Variants in FAM20C observed in about 807,000 individuals in gnomAD.
FAM20C encodes FAM20C golgi associated secretory pathway kinase.
FAM20C carries 40 observed loss-of-function variants against 51.5 expected under a neutral mutation model. The ratio of observed to expected loss-of-function variants is 0.78; its 90% CI spans 0.60 to 1.01. FAM20C has a LOEUF of 1.01. FAM20C is among the 50% of genes least tolerant of loss of function. FAM20C has a pLI of 0.00. For synonymous variants in FAM20C, 406 were observed against 380.6 expected, an observed-to-expected ratio of 1.07 and a Z score of -0.78; for missense variants, 861 against 844.7, an observed-to-expected ratio of 1.02 and a Z score of -0.24.
chr7:199,813 G>A (rs954328592), intron 2 of FAM20C, among the ~76,000 whole-genome samples: 4 of 152,120 alleles, frequency 2.6e-5, no homozygotes, highest in South Asian at 2.1e-4. Context: ...TGGGGCTGGC[G>A]ATAATTAAAT....
intron 7 of FAM20C, 50 bp downstream of exon 7, chr7:256,813 G>T: frequency 2.0e-6 from 3 of 1,486,196 alleles, no homozygotes; most frequent in Non-Finnish European, 1.8e-6. Flanking sequence ...CTTGCGTGGA[G>T]CGGATGCACG....
chr7:197,968 G>C (rs1785959690), intron 2 of FAM20C, among the ~76,000 whole-genome samples: 1 of 152,200 alleles, frequency 6.6e-6, no homozygotes, highest in Non-Finnish European at 1.5e-5. Context: ...ACATTGCAGG[G>C]GTGTGGACAG....
chr7:205,923 C>T (rs1172209305), intron 2 of FAM20C, among the ~76,000 whole-genome samples: 1 of 152,114 alleles, frequency 6.6e-6, no homozygotes, highest in African/African-American at 2.4e-5. Flanking sequence ...TCAGTTCTTC[C>T]CGTCTGAAGG....
In FAM20C at chr7:257,854, G is replaced by A. The variant is rs1208595849; in HGVS notation, c.1445+768G>A. On this transcript the variant is annotated intron_variant, in intron 8 of 9. Transcript: ENST00000313766. ...GATGGGCAGGGTGGACCCACTGCCTGGGGTGCTGGAGATGGGGCTGGGTGG... is the reference window on the plus strand; with the variant it reads ...GATGGGCAGGGTGGACCCACTGCCTAGGGTGCTGGAGATGGGGCTGGGTGG... Among the ~76,000 whole-genome samples, 71 of 106,302 alleles carry A rather than the reference G, an allele frequency of 6.7e-4. 1 individual carries two copies. The highest frequency in any genetic ancestry group is 1.4e-3 in the African/African-American group (37 of 25,774). 69.7% of individuals were successfully genotyped at this position (106,302 alleles called of 152,430 possible).
At position 259,908 on chromosome 7, in the gene FAM20C, G is replaced by T. The variant is rs1355232876; in HGVS notation, c.1683G>T (p.Val561=). The part of the protein sequence containing the change: ...RVVLKAVRDC[V]ERNGLHSVVD... Reference sequence around the variant, plus strand: ...TGCTAAAGGCCGTCCGGGACTGCGTGGAGAGGAACGGGCTCCACAGCGTGG... The same window carrying T: ...TGCTAAAGGCCGTCCGGGACTGCGTTGAGAGGAACGGGCTCCACAGCGTGG... Residue 561 remains valine, a synonymous_variant, in exon 10 of 10, where the codon GTG becomes GTT. Transcript: ENST00000313766. 1 of 1,535,342 alleles carries T rather than the reference G, an allele frequency of 6.5e-7. No homozygotes were observed. Among genetic ancestry groups the T allele is most frequent in the Non-Finnish European group, 8.7e-7 (1 of 1,146,106 alleles).
chr7:243,940 TAATA>T (rs1554254452), intron 3 of FAM20C, among the ~76,000 whole-genome samples: 1 of 135,864 alleles, frequency 7.4e-6, no homozygotes, highest in Non-Finnish European at 1.6e-5. Flanking sequence ...ATAATAATAA[TAATA>T]ATTATTATTA....
intron 5 of FAM20C, among the ~76,000 whole-genome samples, chr7:254,259 CCCTGCCGAA>C (rs1178915580): frequency 6.6e-6 from 1 of 152,212 alleles, no homozygotes. Flanking sequence ...CTGGGAAGCG[CCCTGCCGAA>C]CCTGCCTTCT....
chr7:255,566 T>G (rs936108609), intron 5 of FAM20C, among the ~76,000 whole-genome samples: 4 of 152,224 alleles, frequency 2.6e-5, no homozygotes, highest in African/African-American at 9.6e-5. Flanking sequence ...TTTAAAAGAC[T>G]AAATGTTGGC....
chr7:255,297 C>T (rs148991318), intron 5 of FAM20C, among the ~76,000 whole-genome samples: 23,610 of 152,154 alleles, frequency 0.16, 1,989 homozygotes, highest in African/African-American at 0.22. Flanking sequence ...GGTGCCTCAC[C>T]GTGGCTTTGA....
chr7:241,454 C>G (rs1583324451), intron 3 of FAM20C, among the ~76,000 whole-genome samples: 2 of 152,120 alleles, frequency 1.3e-5, no homozygotes, highest in Non-Finnish European at 2.9e-5. Flanking sequence ...ATGCGCTTTC[C>G]CAGCCAGCCC....
At chr7:257,657 C>G (rs1286869853) in intron 8 of FAM20C, among the ~76,000 whole-genome samples, 2 of 152,210 alleles carry the variant, frequency 1.3e-5, no homozygotes, top group African/African-American at 4.8e-5. Flanking sequence ...CTGGAGCCAT[C>G]TCAACTCGGC....
chr7:222,363 G>A (rs559767054), intron 3 of FAM20C, among the ~76,000 whole-genome samples: 27 of 152,258 alleles, frequency 1.8e-4, no homozygotes, highest in African/African-American at 5.5e-4. Context: ...GTTGGGTACT[G>A]AGAGCAGCTG....
intron 2 of FAM20C, among the ~76,000 whole-genome samples, chr7:200,400 G>A (rs1332175381): frequency 1.3e-5 from 2 of 152,244 alleles, no homozygotes; most frequent in Admixed American, 6.5e-5. Context: ...ACGATTTCAA[G>A]TGGAGCCTGG....
intron 3 of FAM20C, among the ~76,000 whole-genome samples, chr7:212,861 G>A (rs1341494295): frequency 6.6e-6 from 1 of 152,144 alleles, no homozygotes; most frequent in African/African-American, 2.4e-5. Context: ...CAGCTTGGGG[G>A]CTTTCGGCTC....
rs186449019 is a variant in FAM20C, at chr7:193,979, C to T, written c.605+175C>T. On this transcript the variant is annotated intron_variant, in intron 1 of 9. Coordinates refer to ENST00000313766, the MANE Select transcript of FAM20C (RefSeq NM_020223.4). ...GCGCTGCCTTTGTCTCCAGAATAAC[C>T]TCCTCCTTGGGAGGGGCTGCCGGCT... 6,301 of 1,054,604 alleles carry T rather than the reference C, an allele frequency of 6.0e-3. 35 individuals are homozygous for T. Among genetic ancestry groups the T allele is most frequent in the Non-Finnish European group, 7.3e-3 (5,721 of 787,582 alleles). 65.3% of individuals were successfully genotyped at this position (1,054,604 alleles called of 1,614,324 possible). A position where few individuals can be genotyped will look rare whatever the true frequency, so the allele number is the denominator to read the frequency against.
chr7:225,688 C>T (rs868766094), intron 3 of FAM20C, among the ~76,000 whole-genome samples: 4 of 12,234 alleles, frequency 3.3e-4, no homozygotes, highest in African/African-American at 9.3e-4. Context: ...CGGGGTCGCA[C>T]GGCGGCTGTC....
chr7:230,367 C>T (rs544962481), intron 3 of FAM20C, among the ~76,000 whole-genome samples: 4 of 8,586 alleles, frequency 4.7e-4, no homozygotes, highest in Non-Finnish European at 1.1e-3. Flanking sequence ...GTCCCCAGGA[C>T]GGGGTGGGGG....
In FAM20C at chr7:260,021, C is replaced by T. The variant is rs36138803; in HGVS notation, c.*41C>T. Reference sequence around the variant, plus strand: ...GCGCTGCCCGGGACGGAGACAGAGGCGCCGGACCTCCCAGCAAGCGCATGC... The same window carrying T: ...GCGCTGCCCGGGACGGAGACAGAGGTGCCGGACCTCCCAGCAAGCGCATGC... On this transcript the variant is annotated 3_prime_UTR_variant, in exon 10 of 10. Coordinates refer to ENST00000313766, the MANE Select transcript of FAM20C (RefSeq NM_020223.4). The T allele has an allele frequency of 2.7e-6, 4 of 1,463,230 alleles. No homozygotes were observed. The highest frequency in any genetic ancestry group is 2.2e-5 in the Admixed American group (1 of 44,622). 90.6% of individuals were successfully genotyped at this position (1,463,230 alleles called of 1,614,324 possible).
At chr7:195,276 G>A (rs900260921) in intron 1 of FAM20C, 4 of 369,480 alleles carry the variant, frequency 1.1e-5, no homozygotes, top group African/African-American at 2.1e-5. Flanking sequence ...CAGCGCTGAC[G>A]TCCTGGAATT....
Sources: gnomAD v4.1 joint callset for allele counts (sites outside exome capture counted in the v4.1 genomes callset) on GRCh38, gnomAD v4.1.1 for gene constraint, MANE v1.5 for transcripts, NCBI Gene and HGNC (gene_info 2026-07-23, HGNC 2026-07-21) for gene names.